The following UTRN variants were observed in gnomAD, a reference collection of about 807,000 sequenced individuals.
The protein encoded by UTRN is utrophin.
Under a neutral mutation model 463.9 loss-of-function variants are expected in UTRN, and 283 were observed. That is an observed-to-expected ratio of 0.61 (90% CI 0.55 to 0.67). UTRN has a LOEUF of 0.67. Ranked by LOEUF, UTRN falls within the 30% of genes least tolerant of loss-of-function variation. UTRN has a pLI of 0.00. For missense variants in UTRN, 3,922 were observed against 4,084.3 expected (o/e 0.96, Z 1.08); for synonymous variants, 1,442 against 1,431.5 (o/e 1.01, Z -0.17).
chr6:144,843,588 T>C (rs765519485), intron 73 of UTRN, among the ~76,000 whole-genome samples: 4 of 152,220 alleles, frequency 2.6e-5, no homozygotes, highest in Non-Finnish European at 4.4e-5. Flanking sequence ...TTCATTGATA[T>C]TGGTTTCTGA....
chr6:144,765,083 C>T (rs1339298710), intron 58 of UTRN, among the ~76,000 whole-genome samples: 1 of 152,086 alleles, frequency 6.6e-6, no homozygotes, highest in African/African-American at 2.4e-5. Flanking sequence ...GAATTCTGGG[C>T]TCATGTAGAA....
At chr6:144,695,582 A>T (rs1381133172) in intron 52 of UTRN, among the ~76,000 whole-genome samples, 1 of 152,172 alleles carries the variant, frequency 6.6e-6, no homozygotes, top group African/African-American at 2.4e-5. Flanking sequence ...TGACCTTGTG[A>T]TTCACCCGCC....
intron 51 of UTRN, among the ~76,000 whole-genome samples, chr6:144,612,811 A>G (rs1237582384): frequency 6.6e-6 from 1 of 152,084 alleles, no homozygotes; most frequent in African/African-American, 2.4e-5. Flanking sequence ...TTAAAAAGGT[A>G]AAAATAGAAA....
chr6:144,727,305 T>C (rs973607930), intron 53 of UTRN, among the ~76,000 whole-genome samples: 3 of 152,228 alleles, frequency 2.0e-5, no homozygotes, highest in Non-Finnish European at 2.9e-5. Context: ...CTAAATGCCA[T>C]TGTGTGAATT....
intron 61 of UTRN, among the ~76,000 whole-genome samples, chr6:144,783,887 G>C (rs951951133): frequency 6.6e-6 from 1 of 152,066 alleles, no homozygotes; most frequent in East Asian, 1.9e-4. Flanking sequence ...CGGGATTTGC[G>C]ATATCTCTGT....
intron 48 of UTRN, among the ~76,000 whole-genome samples, chr6:144,552,795 G>A (rs578128062): frequency 3.3e-5 from 5 of 152,268 alleles, no homozygotes; most frequent in Admixed American, 1.3e-4. Flanking sequence ...CTCGCTTGAT[G>A]TCTTTGGTTT....
chr6:144,394,736 G>A (rs1218032258), intron 2 of UTRN, among the ~76,000 whole-genome samples: 1 of 151,758 alleles, frequency 6.6e-6, no homozygotes, highest in Non-Finnish European at 1.5e-5. Flanking sequence ...ACATTTTTTT[G>A]TTTGAAAATT....
chr6:144,534,438 C>T (rs1188200151), intron 43 of UTRN, among the ~76,000 whole-genome samples: 4 of 152,174 alleles, frequency 2.6e-5, no homozygotes, highest in Non-Finnish European at 5.9e-5. Flanking sequence ...GGAAAGAGCA[C>T]AGAACTCTCT....
At chr6:144,595,837 A>G (rs564614700) in intron 51 of UTRN, among the ~76,000 whole-genome samples, 1 of 152,296 alleles carries the variant, frequency 6.6e-6, no homozygotes, top group African/African-American at 2.4e-5. Context: ...TGAGAGTGTG[A>G]TTTTGATAGG....
At chr6:144,305,030 C>G (rs1339202582) in intron 2 of UTRN, among the ~76,000 whole-genome samples, 1 of 151,300 alleles carries the variant, frequency 6.6e-6, no homozygotes, top group Non-Finnish European at 1.5e-5. Flanking sequence ...TTCCTGGGTT[C>G]AAACAATTCT....
intron 51 of UTRN, among the ~76,000 whole-genome samples, chr6:144,610,549 T>C (rs554292146): frequency 6.6e-6 from 1 of 152,254 alleles, no homozygotes; most frequent in African/African-American, 2.4e-5. Flanking sequence ...GACAGAATAC[T>C]TCCAAACTAA....
At chr6:144,315,483 T>C (rs1562240925) in intron 2 of UTRN, among the ~76,000 whole-genome samples, 1 of 152,312 alleles carries the variant, frequency 6.6e-6, no homozygotes, top group South Asian at 2.1e-4. Context: ...CTGACACTAG[T>C]TGGACAGGGC....
At chr6:144,428,676 C>A (rs1284036995) in intron 7 of UTRN, 102 bp from the exon 8 acceptor site, 4 of 591,738 alleles carry the variant, frequency 6.8e-6, no homozygotes, top group East Asian at 3.1e-5. Flanking sequence ...AAAAACCTCA[C>A]AAATAAAAAT....
intron 23 of UTRN, among the ~76,000 whole-genome samples, chr6:144,470,919 G>T (rs1446161788): frequency 7.3e-5 from 11 of 151,558 alleles, no homozygotes; most frequent in Non-Finnish European, 1.5e-5. Flanking sequence ...CCAGGCACTC[G>T]GCAGGCTGAG....
chr6:144,610,376 G>T (rs1329971123), intron 51 of UTRN, among the ~76,000 whole-genome samples: 1 of 152,004 alleles, frequency 6.6e-6, no homozygotes, highest in Admixed American at 6.6e-5. Context: ...TCATGAAGAA[G>T]GAGAAAACCT....
At chr6:144,590,532 A>G (rs2128631480) in intron 51 of UTRN, among the ~76,000 whole-genome samples, 1 of 152,324 alleles carries the variant, frequency 6.6e-6, no homozygotes, top group Non-Finnish European at 1.5e-5. Context: ...AAAATAAGAA[A>G]TATGTATATA....
chr6:144,562,201 A>T (rs972163670), intron 50 of UTRN, among the ~76,000 whole-genome samples: 1 of 152,072 alleles, frequency 6.6e-6, no homozygotes, highest in African/African-American at 2.4e-5. Flanking sequence ...ATTTAAAAAA[A>T]TATTTTATTT....
intron 2 of UTRN, among the ~76,000 whole-genome samples, chr6:144,362,775 A>G (rs910430091): frequency 6.6e-6 from 1 of 152,214 alleles, no homozygotes; most frequent in Admixed American, 6.5e-5. Flanking sequence ...GTTGATTTCC[A>G]CGCGATGCAA....
chr6:144,301,408 G>A (rs1805233870), intron 2 of UTRN, among the ~76,000 whole-genome samples: 1 of 151,990 alleles, frequency 6.6e-6, no homozygotes, highest in African/African-American at 2.4e-5. Flanking sequence ...TTGGGCATTT[G>A]GTGTCAGACA....
Sources: gnomAD v4.1 joint callset for allele counts (sites outside exome capture counted in the v4.1 genomes callset) on GRCh38, gnomAD v4.1.1 for gene constraint, MANE v1.5 for transcripts, NCBI Gene and HGNC (gene_info 2026-07-23, HGNC 2026-07-21) for gene names.